The following PRKX variants were observed in gnomAD, a reference collection of about 807,000 sequenced individuals.
PRKX encodes cAMP-dependent protein kinase catalytic subunit PRKX.
PRKX carries 12 observed loss-of-function variants against 22.0 expected under a neutral mutation model. That is an observed-to-expected ratio of 0.54 (90% CI 0.35 to 0.88). The LOEUF is 0.88. PRKX is among the 40% of genes least tolerant of loss of function. PRKX has a pLI of 0.01. For synonymous variants in PRKX, 134 were observed against 137.7 expected (o/e 0.97, Z 0.19); for missense variants, 217 against 308.0 (o/e 0.70, Z 2.21).
intron 5 of PRKX, among the ~76,000 whole-genome samples, chrX:3,625,806 C>G (rs1463280664): frequency 9.0e-6 from 1 of 111,108 alleles, no homozygotes; most frequent in African/African-American, 3.3e-5. Flanking sequence ...CTCCTGACCT[C>G]GTGTTCCACC....
chrX:3,685,170 C>A (rs1176090672), intron 1 of PRKX, among the ~76,000 whole-genome samples: 1 of 106,879 alleles, frequency 9.4e-6, no homozygotes, highest in African/African-American at 3.6e-5. Flanking sequence ...TGAGGATAAA[C>A]CCACCTGAAC....
At chrX:3,663,473 A>C (rs1454650139) in intron 2 of PRKX, among the ~76,000 whole-genome samples, 410 of 36,839 alleles carry the variant, frequency 0.011, 4 homozygotes, top group Non-Finnish European at 0.023. Flanking sequence ...CACACAAAAA[A>C]ATTCAATTAG....
intron 2 of PRKX, chrX:3,667,505 G>A (rs1927760257): frequency 9.1e-6 from 1 of 109,349 alleles, no homozygotes; most frequent in Middle Eastern, 4.6e-3. Context: ...GCAGCCCTCG[G>A]TGGCTCCATC....
intron 5 of PRKX, among the ~76,000 whole-genome samples, chrX:3,623,100 A>G (rs1360023833): frequency 9.1e-6 from 1 of 110,377 alleles, no homozygotes; most frequent in Non-Finnish European, 1.9e-5. Context: ...GGGGGAAAAA[A>G]AGCCCTATGT....
At chrX:3,627,085 T>C (rs1263808677) in intron 4 of PRKX, among the ~76,000 whole-genome samples, 1 of 111,196 alleles carries the variant, frequency 9.0e-6, no homozygotes, top group Non-Finnish European at 1.9e-5. Flanking sequence ...GTGTCAATCA[T>C]CTCAACCCAA....
intron 1 of PRKX, among the ~76,000 whole-genome samples, chrX:3,689,788 T>C (rs186902454): frequency 0.019 from 2,064 of 111,517 alleles, 17 homozygotes; most frequent in Non-Finnish European, 0.023. Flanking sequence ...CCATCCTGGC[T>C]AACACGGTGA....
chrX:3,681,866 G>C (rs1382869871), intron 1 of PRKX, among the ~76,000 whole-genome samples: 4 of 110,067 alleles, frequency 3.6e-5, no homozygotes, highest in African/African-American at 9.9e-5. Flanking sequence ...GCGGCCAGCA[G>C]AGAGAGAAGC....
At chrX:3,646,817 G>T (rs548912535) in intron 3 of PRKX, among the ~76,000 whole-genome samples, 2 of 110,967 alleles carry the variant, frequency 1.8e-5, no homozygotes, top group Admixed American at 1.9e-4. Flanking sequence ...GACAGCTTCC[G>T]ATGGCCAGCC....
chrX:3,650,399 T>C (rs757554902), intron 3 of PRKX, among the ~76,000 whole-genome samples: 18 of 105,103 alleles, frequency 1.7e-4, no homozygotes, highest in Non-Finnish European at 2.9e-4. Flanking sequence ...TGGGCGCCTG[T>C]AGTCCCAGCT....
intron 1 of PRKX, among the ~76,000 whole-genome samples, chrX:3,701,927 C>A (rs1928584567): frequency 8.9e-6 from 1 of 112,118 alleles, no homozygotes; most frequent in Non-Finnish European, 1.9e-5. Flanking sequence ...CTTTCGTTTA[C>A]CATATAATCA....
At chrX:3,655,547 G>GA in intron 2 of PRKX, 135 bp from the exon 3 acceptor site, 1 of 711,139 alleles carries the variant, frequency 1.4e-6, no homozygotes, top group East Asian at 3.5e-5. Context: ...GCTGGGGACA[G>GA]ATGTCGGGAC....
intron 8 of PRKX, chrX:3,611,019 A>T (rs1484957360): frequency 1.8e-5 from 2 of 112,078 alleles, no homozygotes; most frequent in African/African-American, 3.2e-5. Flanking sequence ...ACACGCTCTC[A>T]TGTTAATACA....
chrX:3,622,835 T>G (rs1357206687), intron 5 of PRKX, among the ~76,000 whole-genome samples: 3 of 107,571 alleles, frequency 2.8e-5, no homozygotes, highest in Middle Eastern at 4.4e-3. Context: ...TGCTCCCCCC[T>G]GCCAAAAAAA....
At chrX:3,669,172 T>C (rs1339991243) in intron 2 of PRKX, among the ~76,000 whole-genome samples, 1 of 112,799 alleles carries the variant, frequency 8.9e-6, no homozygotes, top group Non-Finnish European at 1.9e-5. Context: ...CTACCATCTA[T>C]AGCTACCAGC....
intron 8 of PRKX, among the ~76,000 whole-genome samples, chrX:3,610,152 C>T (rs1203190439): frequency 8.9e-6 from 1 of 111,936 alleles, no homozygotes; most frequent in African/African-American, 3.2e-5. Context: ...GTTTGGTGTG[C>T]AAATTACTTG....
chrX:3,641,752 G>A (rs1444427039), intron 4 of PRKX, 100 bp downstream of exon 4: 4 of 315,792 alleles, frequency 1.3e-5, no homozygotes, highest in South Asian at 9.8e-5. Flanking sequence ...CGACACTCAC[G>A]TACTGTTTTC....
intron 2 of PRKX, among the ~76,000 whole-genome samples, chrX:3,665,952 G>A (rs1431631040): frequency 1.8e-5 from 2 of 108,775 alleles, no homozygotes; most frequent in Admixed American, 2.0e-4. Flanking sequence ...ATGGGGTGGC[G>A]GTTGCACAGA....
At chrX:3,616,923 C>A (rs1485626611) in intron 6 of PRKX, among the ~76,000 whole-genome samples, 1 of 111,009 alleles carries the variant, frequency 9.0e-6, no homozygotes, top group Non-Finnish European at 1.9e-5. Flanking sequence ...AGATAAAATT[C>A]TAATTTGGAT....
At chrX:3,627,064 A>T (rs1926673658) in intron 4 of PRKX, among the ~76,000 whole-genome samples, 2 of 111,411 alleles carry the variant, frequency 1.8e-5, no homozygotes, top group African/African-American at 6.5e-5. Context: ...GCAAATCAAA[A>T]CCTCAATGAG....
Sources: allele counts gnomAD v4.1 joint callset (sites outside exome capture counted in the v4.1 genomes callset), GRCh38; gene constraint gnomAD v4.1.1; transcripts MANE v1.5; gene names NCBI Gene and HGNC (gene_info 2026-07-23, HGNC 2026-07-21).